GPM6A: variants seen among roughly 807,000 people sequenced by gnomAD.
GPM6A encodes the protein glycoprotein M6A.
A neutral mutation model predicts 32.1 loss-of-function variants in GPM6A; 7 were observed. That is an observed-to-expected ratio of 0.22 (90% CI 0.12 to 0.41). The LOEUF is 0.41. GPM6A is among the 10% of genes least tolerant of loss of function. The probability of loss-of-function intolerance (pLI) is 1.00; values close to 1 mark genes in which losing one functional copy is unlikely to be tolerated. For missense variants in GPM6A, 235 were observed against 347.2 expected (o/e 0.68, Z 2.57); for synonymous variants, 130 against 123.4 (o/e 1.05, Z -0.35).
At chr4:175,914,285 T>C (rs1738415747) in intron 1 of GPM6A, among the ~76,000 whole-genome samples, 3 of 152,212 alleles carry the variant, frequency 2.0e-5, no homozygotes, top group South Asian at 2.1e-4. Context: ...CAGTCAATCA[T>C]GCATTTGTTT....
intron 6 of GPM6A, among the ~76,000 whole-genome samples, chr4:175,638,372 A>G (rs1425141488): frequency 6.6e-6 from 1 of 152,066 alleles, no homozygotes. Flanking sequence ...CATTTAAGCT[A>G]GTATGGGGTT....
At chr4:175,736,481 T>C (rs951245253) in intron 1 of GPM6A, among the ~76,000 whole-genome samples, 2 of 151,994 alleles carry the variant, frequency 1.3e-5, no homozygotes, top group African/African-American at 4.9e-5. Flanking sequence ...ATTAACGATA[T>C]CAAGGTTTTC....
intron 1 of GPM6A, among the ~76,000 whole-genome samples, chr4:175,897,013 A>T (rs1199011953): frequency 6.6e-6 from 1 of 152,072 alleles, no homozygotes; most frequent in African/African-American, 2.4e-5. Flanking sequence ...CTCATGAATC[A>T]GTCAGGGCCC....
At chr4:175,754,684 T>C (rs1732461979) in intron 1 of GPM6A, among the ~76,000 whole-genome samples, 1 of 152,156 alleles carries the variant, frequency 6.6e-6, no homozygotes, top group South Asian at 2.1e-4. Flanking sequence ...AAGGCCAGTA[T>C]CTAGAAGTAC....
At chr4:175,661,797 C>G (rs1451194823) in intron 3 of GPM6A, among the ~76,000 whole-genome samples, 1 of 151,998 alleles carries the variant, frequency 6.6e-6, no homozygotes, top group Admixed American at 6.6e-5. Context: ...GAAATTATAA[C>G]ACAAAAATAG....
chr4:175,725,753 A>G (rs2111127352), intron 1 of GPM6A, among the ~76,000 whole-genome samples: 1 of 152,306 alleles, frequency 6.6e-6, no homozygotes, highest in East Asian at 1.9e-4. Context: ...TCTGTCTATC[A>G]TATAGGATAG....
chr4:175,724,736 G>A (rs1238357324), intron 1 of GPM6A, among the ~76,000 whole-genome samples: 4 of 152,114 alleles, frequency 2.6e-5, no homozygotes, highest in African/African-American at 9.7e-5. Flanking sequence ...AATAGAATCA[G>A]GCCTTGAGAG....
At chr4:175,870,030 A>G (rs1307334196) in intron 1 of GPM6A, among the ~76,000 whole-genome samples, 1 of 152,228 alleles carries the variant, frequency 6.6e-6, no homozygotes, top group Non-Finnish European at 1.5e-5. Context: ...TGACTTATTC[A>G]TCTCCATGAT....
chr4:175,741,844 AT>A (rs1465193204), intron 1 of GPM6A, among the ~76,000 whole-genome samples: 1 of 152,098 alleles, frequency 6.6e-6, no homozygotes, highest in Non-Finnish European at 1.5e-5. Flanking sequence ...TCTTATAATT[AT>A]TGTATAATTT....
intron 1 of GPM6A, among the ~76,000 whole-genome samples, chr4:175,917,696 G>T (rs1738537827): frequency 1.3e-5 from 2 of 152,078 alleles, no homozygotes; most frequent in Admixed American, 6.6e-5. Flanking sequence ...ATGTTAAAAT[G>T]CGTGAGATCT....
intron 1 of GPM6A, among the ~76,000 whole-genome samples, chr4:175,964,573 GA>G (rs777780714): frequency 1.3e-5 from 2 of 152,134 alleles, no homozygotes; most frequent in Non-Finnish European, 2.9e-5. Context: ...ATCGTTACAT[GA>G]TCTTGCCTCT....
intron 1 of GPM6A, among the ~76,000 whole-genome samples, chr4:175,841,112 A>G (rs1735921997): frequency 6.6e-6 from 1 of 152,216 alleles, no homozygotes; most frequent in Non-Finnish European, 1.5e-5. Flanking sequence ...AATGAATTCT[A>G]AAGATAAGTG....
chr4:175,914,156 A>ATG (rs1738410062), intron 1 of GPM6A, among the ~76,000 whole-genome samples: 2 of 148,404 alleles, frequency 1.3e-5, no homozygotes, highest in South Asian at 4.7e-4. Flanking sequence ...GGAAAAAAAA[A>ATG]TGTGTGGGGG....
intron 1 of GPM6A, among the ~76,000 whole-genome samples, chr4:175,840,512 T>C (rs1380133821): frequency 6.6e-6 from 1 of 152,150 alleles, no homozygotes; most frequent in Non-Finnish European, 1.5e-5. Context: ...ACATCTTTTC[T>C]ACTAAAAATA....
rs1431281786 is a variant in GPM6A at position 175,900,441 on chromosome 4, C to CA, written c.-22-88193dup. 6.3e-5 allele frequency among the ~76,000 whole-genome samples: 9 copies of CA among 143,324 alleles called. No homozygotes were observed. The Admixed American group carries it at 6.3e-4, about 10-fold the overall frequency. The allele number at this position is 143,324 out of a possible 152,430, so 94.0% of individuals were successfully genotyped here. On this transcript the variant is annotated intron_variant, in intron 1 of 7. Coordinates refer to the GPM6A transcript ENST00000280187. ...ATAGGAGAAAATCTAATAATCCGGTCAAAAAATGGGCAAAAAATATGAACA... is the reference window on the plus strand; with the variant it reads ...ATAGGAGAAAATCTAATAATCCGGTCAAAAAAATGGGCAAAAAATATGAACA...
At chr4:175,996,111 T>A (rs1741299565) in intron 1 of GPM6A, among the ~76,000 whole-genome samples, 1 of 152,204 alleles carries the variant, frequency 6.6e-6, no homozygotes, top group African/African-American at 2.4e-5. Context: ...ATTTCTAGGT[T>A]GAAACTAACT....
intron 1 of GPM6A, among the ~76,000 whole-genome samples, chr4:175,762,588 T>C (rs1354758106): frequency 1.3e-5 from 2 of 152,176 alleles, no homozygotes; most frequent in Non-Finnish European, 2.9e-5. Context: ...AATCTAAGTA[T>C]TCACTTCTAG....
At chr4:175,977,928 A>G (rs1379346248) in intron 1 of GPM6A, among the ~76,000 whole-genome samples, 1 of 152,182 alleles carries the variant, frequency 6.6e-6, no homozygotes, top group African/African-American at 2.4e-5. Context: ...TCGCATGCGC[A>G]CCACTTAACC....
At chr4:175,916,504 G>A (rs1200040087) in intron 1 of GPM6A, among the ~76,000 whole-genome samples, 1 of 152,218 alleles carries the variant, frequency 6.6e-6, no homozygotes, top group South Asian at 2.1e-4. Context: ...GGGAAGTTAT[G>A]AGAACTTGTT....
Sources: gnomAD v4.1 joint callset for allele counts (sites outside exome capture counted in the v4.1 genomes callset) on GRCh38, gnomAD v4.1.1 for gene constraint, MANE v1.5 for transcripts, NCBI Gene and HGNC (gene_info 2026-07-23, HGNC 2026-07-21) for gene names.